Variants in CDKAL1 observed in about 807,000 individuals in gnomAD.
The protein encoded by CDKAL1 is threonylcarbamoyladenosine tRNA methylthiotransferase.
Under a neutral mutation model 68.2 loss-of-function variants are expected in CDKAL1, and 32 were observed. That is an observed-to-expected ratio of 0.47 (90% confidence interval 0.35 to 0.63). CDKAL1 has a LOEUF of 0.63. Among genes scored for constraint, CDKAL1 ranks in the 30% least tolerant of loss-of-function variants. The pLI, the probability that CDKAL1 is intolerant of heterozygous loss-of-function variation, is 0.00. For missense variants in CDKAL1, 606 were observed against 696.7 expected (o/e 0.87, Z 1.47); for synonymous variants, 234 against 244.3 (o/e 0.96, Z 0.39).
intron 12 of CDKAL1, among the ~76,000 whole-genome samples, chr6:21,097,048 G>C (rs1176798052): frequency 6.6e-6 from 1 of 152,210 alleles, no homozygotes; most frequent in Non-Finnish European, 1.5e-5. Context: ...AATTCAGCAA[G>C]ACTTGGATTA....
At chr6:20,922,141 C>T (rs536205707) in intron 9 of CDKAL1, among the ~76,000 whole-genome samples, 4 of 152,222 alleles carry the variant, frequency 2.6e-5, no homozygotes, top group Admixed American at 6.5e-5. Context: ...AAAGAACCAT[C>T]TCAAACTTAT....
At chr6:21,072,554 C>CAAAAAAAAAAAAAAAAAAAAA (rs71540611) in intron 12 of CDKAL1, among the ~76,000 whole-genome samples, 1 of 44,484 alleles carries the variant, frequency 2.2e-5, no homozygotes, top group African/African-American at 8.5e-5. Context: ...GACTCCGTCT[C>CAAAAAAAAAAAAAAAAAAAAA]AAAAAAAAAA....
At chr6:20,923,207 C>A (rs1763037325) in intron 9 of CDKAL1, among the ~76,000 whole-genome samples, 1 of 152,176 alleles carries the variant, frequency 6.6e-6, no homozygotes, top group Non-Finnish European at 1.5e-5. Flanking sequence ...AGGCACGAGC[C>A]ACCATGCCCA....
At chr6:20,536,090 G>A (rs1017019619) in intron 2 of CDKAL1, among the ~76,000 whole-genome samples, 2 of 137,804 alleles carry the variant, frequency 1.5e-5, no homozygotes, top group South Asian at 2.3e-4. Context: ...CACCATGCCC[G>A]GCTAAATTTT....
intron 15 of CDKAL1, among the ~76,000 whole-genome samples, chr6:21,214,483 A>G (rs914316156): frequency 6.6e-6 from 1 of 151,772 alleles, no homozygotes; most frequent in Non-Finnish European, 1.5e-5. Context: ...CTCCTTGAAC[A>G]TGAACACACG....
chr6:20,784,105 C>T (rs940903983), intron 8 of CDKAL1, among the ~76,000 whole-genome samples: 8 of 151,404 alleles, frequency 5.3e-5, no homozygotes, highest in East Asian at 2.0e-4. Context: ...CCTAGCTACT[C>T]GGGAAGCTGA....
At chr6:20,633,676 G>A (rs7768642) in intron 4 of CDKAL1, among the ~76,000 whole-genome samples, 28,895 of 152,054 alleles carry the variant, frequency 0.19, 2,864 homozygotes, top group East Asian at 0.37. Context: ...TCCAGTTCAC[G>A]TCCTTGCCAA....
intron 9 of CDKAL1, among the ~76,000 whole-genome samples, chr6:20,935,184 A>G (rs967073511): frequency 7.2e-5 from 11 of 152,116 alleles, no homozygotes; most frequent in African/African-American, 2.4e-4. Flanking sequence ...GTGAGCCACC[A>G]TGCCTGGCCT....
At chr6:21,016,711 C>T (rs1279372268) in intron 11 of CDKAL1, among the ~76,000 whole-genome samples, 1 of 151,996 alleles carries the variant, frequency 6.6e-6, no homozygotes, top group African/African-American at 2.4e-5. Flanking sequence ...CAAACAACCA[C>T]ATCAGAAACT....
At chr6:21,035,451 CAA>C (rs748083865) in intron 11 of CDKAL1, among the ~76,000 whole-genome samples, 27 of 151,916 alleles carry the variant, frequency 1.8e-4, no homozygotes, top group Non-Finnish European at 2.9e-4. Context: ...ATATTTGAGA[CAA>C]AAATTTTCCT....
At chr6:21,071,377 G>A (rs960614510) in intron 12 of CDKAL1, among the ~76,000 whole-genome samples, 1 of 152,082 alleles carries the variant, frequency 6.6e-6, no homozygotes, top group Non-Finnish European at 1.5e-5. Context: ...GGTGCCTGCT[G>A]CCCCTTCCAC....
intron 10 of CDKAL1, among the ~76,000 whole-genome samples, chr6:20,986,338 G>A (rs575489307): frequency 1.3e-5 from 2 of 152,176 alleles, no homozygotes; most frequent in Admixed American, 6.5e-5. Flanking sequence ...GTTTCAAGAT[G>A]ATAGCAAGAG....
chr6:21,003,430 G>C (rs1767562172), intron 11 of CDKAL1, among the ~76,000 whole-genome samples: 1 of 143,240 alleles, frequency 7.0e-6, no homozygotes, highest in African/African-American at 2.6e-5. Flanking sequence ...GCCAGGCATG[G>C]TGGCACGTGC....
chr6:21,195,061 T>C (rs1300290839), intron 13 of CDKAL1, among the ~76,000 whole-genome samples: 1 of 152,132 alleles, frequency 6.6e-6, no homozygotes, highest in Non-Finnish European at 1.5e-5. Flanking sequence ...TATATATTTA[T>C]AATATATATG....
intron 10 of CDKAL1, among the ~76,000 whole-genome samples, chr6:20,987,943 CTT>C (rs11300877): frequency 0.012 from 1,470 of 123,240 alleles, 15 homozygotes; most frequent in Non-Finnish European, 0.017. Context: ...CCATCCCCAG[CTT>C]TTTTTTTTTT....
chr6:20,692,463 C>A (rs1770913307), intron 5 of CDKAL1, among the ~76,000 whole-genome samples: 1 of 152,124 alleles, frequency 6.6e-6, no homozygotes, highest in South Asian at 2.1e-4. Flanking sequence ...TATGCTTTGA[C>A]AATAATGTTT....
At chr6:20,595,731 G>C (rs965573958) in intron 4 of CDKAL1, among the ~76,000 whole-genome samples, 1 of 152,058 alleles carries the variant, frequency 6.6e-6, no homozygotes, top group African/African-American at 2.4e-5. Context: ...GAGGAGTTGT[G>C]ATCCTTTGGA....
chr6:20,889,716 A>G (rs1030824856), intron 9 of CDKAL1, among the ~76,000 whole-genome samples: 4 of 152,222 alleles, frequency 2.6e-5, no homozygotes, highest in African/African-American at 2.4e-5. Flanking sequence ...CCATTGGTCT[A>G]TATCTCTGTT....
chr6:21,160,498 G>A (rs1270626761), intron 13 of CDKAL1, among the ~76,000 whole-genome samples: 9 of 150,206 alleles, frequency 6.0e-5, no homozygotes, highest in African/African-American at 7.3e-5. Context: ...GGGTTTCACC[G>A]TGTTGGTCAG....
Sources: allele counts gnomAD v4.1 joint callset (sites outside exome capture counted in the v4.1 genomes callset), GRCh38; gene constraint gnomAD v4.1.1; transcripts MANE v1.5; gene names NCBI Gene and HGNC (gene_info 2026-07-23, HGNC 2026-07-21).